The following GLIS3 variants were observed in gnomAD, a reference collection of about 807,000 sequenced individuals.
GLIS3 encodes the protein GLIS family zinc finger 3.
GLIS3 carries 53 observed loss-of-function variants against 78.6 expected under a neutral mutation model. The ratio of observed to expected loss-of-function variants is 0.67; its 90% confidence interval spans 0.54 to 0.85. The LOEUF is 0.85. Among genes scored for constraint, GLIS3 ranks in the 40% least tolerant of loss-of-function variants. GLIS3 has a pLI of 0.00. For synonymous variants in GLIS3, 684 were observed against 509.9 expected (o/e 1.34, Z -4.60); for missense variants, 1,703 against 1,231.1 (o/e 1.38, Z -5.74).
At chr9:3,923,590 T>TC (rs1825037669) in intron 6 of GLIS3, among the ~76,000 whole-genome samples, 1 of 151,088 alleles carries the variant, frequency 6.6e-6, no homozygotes, top group South Asian at 2.1e-4. Context: ...GGTGTTTTTT[T>TC]TTTCTCTATA....
At chr9:4,447,227 T>C in the GLIS3 span, among the ~76,000 whole-genome samples, 1 of 151,902 alleles carries the variant, frequency 6.6e-6, no homozygotes, top group African/African-American at 2.4e-5. Flanking sequence ...ATTTCATTTT[T>C]TATAGAGACA....
At chr9:4,364,093 G>C in the GLIS3 span, among the ~76,000 whole-genome samples, 368 of 152,242 alleles carry the variant, frequency 2.4e-3, 2 homozygotes, top group African/African-American at 8.2e-3. Flanking sequence ...CAAAATGTGT[G>C]GTCAAGTCAC....
intron 7 of GLIS3, among the ~76,000 whole-genome samples, chr9:3,895,320 A>G (rs545576722): frequency 6.6e-6 from 1 of 152,352 alleles, no homozygotes; most frequent in South Asian, 2.1e-4. Context: ...TGGAACACAG[A>G]ACCTTTGAAC....
intron 4 of GLIS3, among the ~76,000 whole-genome samples, chr9:3,952,836 T>A (rs987422202): frequency 6.6e-6 from 1 of 152,162 alleles, no homozygotes; most frequent in Admixed American, 6.6e-5. Context: ...GGATGCTACA[T>A]TTCTAAAAAA....
At position 4,069,112 on chromosome 9, in the gene GLIS3, G is replaced by A. The variant is rs980597286; in HGVS notation, c.1710+48656C>T. On this transcript the variant is annotated intron_variant, in intron 4 of 10. Transcript: ENST00000381971. ...CTCACAGTTTTATGAAGCCTTGAGGGCCTTGGATAAGGCTCAATAAAAATG... is the reference window on the plus strand; with the variant it reads ...CTCACAGTTTTATGAAGCCTTGAGGACCTTGGATAAGGCTCAATAAAAATG... 7.2e-5 allele frequency among the ~76,000 whole-genome samples: 11 copies of A among 152,236 alleles called. No homozygotes were observed. The East Asian group carries it at 2.1e-3, about 29-fold the overall frequency.
the GLIS3 span, among the ~76,000 whole-genome samples, chr9:4,455,204 T>C: frequency 6.6e-5 from 10 of 152,232 alleles, no homozygotes; most frequent in African/African-American, 2.4e-4. Context: ...GGTGAGTCCA[T>C]AAATTGCTGA....
chr9:4,003,601 A>G (rs1279136171), intron 4 of GLIS3, among the ~76,000 whole-genome samples: 1 of 152,198 alleles, frequency 6.6e-6, no homozygotes, highest in Non-Finnish European at 1.5e-5. Context: ...ATCTTGCTCA[A>G]TGTTTTGAGT....
the GLIS3 span, among the ~76,000 whole-genome samples, chr9:4,430,661 T>C: frequency 0.013 from 1,915 of 152,304 alleles, 18 homozygotes; most frequent in Non-Finnish European, 0.017. Context: ...TTCATTCTGT[T>C]ATCCCTAAGG....
At chr9:4,241,120 C>G (rs982528491) in intron 2 of GLIS3, among the ~76,000 whole-genome samples, 1 of 152,110 alleles carries the variant, frequency 6.6e-6, no homozygotes, top group African/African-American at 2.4e-5. Context: ...ACCAGAAAAA[C>G]AAGGAAACCT....
intron 2 of GLIS3, among the ~76,000 whole-genome samples, chr9:4,182,835 A>T (rs10758563): frequency 0.61 from 92,450 of 152,102 alleles, 28,344 homozygotes; most frequent in South Asian, 0.73. Flanking sequence ...ACCTACCATG[A>T]GTAAAAGCAT....
chr9:4,323,904 A>T (rs989419414), intron 2 of GLIS3, among the ~76,000 whole-genome samples: 1 of 152,244 alleles, frequency 6.6e-6, no homozygotes, highest in Admixed American at 6.5e-5. Flanking sequence ...ATTAAGAAAT[A>T]AGTAACTGAA....
intron 9 of GLIS3, 195 bp downstream of exon 9, chr9:3,855,814 A>G: frequency 1.6e-6 from 1 of 644,938 alleles, no homozygotes. Flanking sequence ...CATAAATCAT[A>G]CCATCATCAG....
At chr9:4,230,978 G>C (rs1030939609) in intron 2 of GLIS3, among the ~76,000 whole-genome samples, 1 of 152,104 alleles carries the variant, frequency 6.6e-6, no homozygotes, top group Non-Finnish European at 1.5e-5. Flanking sequence ...AGACTGGAGT[G>C]GGATGATCAC....
At chr9:3,999,245 T>G (rs1333780939) in intron 4 of GLIS3, among the ~76,000 whole-genome samples, 1 of 152,164 alleles carries the variant, frequency 6.6e-6, no homozygotes, top group Non-Finnish European at 1.5e-5. Context: ...AAATAACTGA[T>G]AGTGCTGTTG....
At chr9:3,867,461 C>G (rs1469198648) in intron 8 of GLIS3, among the ~76,000 whole-genome samples, 1 of 152,146 alleles carries the variant, frequency 6.6e-6, no homozygotes, top group East Asian at 1.9e-4. Flanking sequence ...TGAAGCGTGG[C>G]TTTGGCCATG....
At chr9:4,302,339 G>A (rs1454022704), upstream of GLIS3, among the ~76,000 whole-genome samples, 1 of 152,158 alleles carries the variant, frequency 6.6e-6, no homozygotes, top group Non-Finnish European at 1.5e-5. Context: ...CTCAACCGCT[G>A]ACTCAGGGCA....
the GLIS3 span, among the ~76,000 whole-genome samples, chr9:4,389,660 C>T: frequency 6.6e-6 from 1 of 152,140 alleles, no homozygotes; most frequent in African/African-American, 2.4e-5. Context: ...CCAAGACAAT[C>T]ACATCACGTC....
chr9:3,844,029 C>T (rs895017404), intron 9 of GLIS3, among the ~76,000 whole-genome samples: 2 of 152,132 alleles, frequency 1.3e-5, no homozygotes, highest in Non-Finnish European at 2.9e-5. Flanking sequence ...AGGGGAAATT[C>T]CTGTAATCAG....
chr9:3,940,644 G>T (rs1815817038), intron 4 of GLIS3, among the ~76,000 whole-genome samples: 1 of 152,122 alleles, frequency 6.6e-6, no homozygotes. Flanking sequence ...AGAGAAACGT[G>T]AACCAACAAA....
Sources: allele counts gnomAD v4.1 joint callset (sites outside exome capture counted in the v4.1 genomes callset), GRCh38; gene constraint gnomAD v4.1.1; transcripts MANE v1.5; gene names NCBI Gene and HGNC (gene_info 2026-07-23, HGNC 2026-07-21).